TRAP1: variants seen among roughly 807,000 people sequenced by gnomAD.
The protein encoded by TRAP1 is heat shock protein 75 kDa, mitochondrial.
A neutral mutation model predicts 89.1 loss-of-function variants in TRAP1; 102 were observed. That is an observed-to-expected ratio of 1.15 (90% confidence interval 0.98 to 1.35). The LOEUF (loss-of-function observed/expected upper bound fraction) is 1.35. TRAP1 is among the 40% of genes most tolerant of loss of function. The pLI is 0.00. For synonymous variants in TRAP1, 508 were observed against 388.0 expected (o/e 1.31, Z -3.64); for missense variants, 1,256 against 945.3 (o/e 1.33, Z -4.31).
At chr16:3,703,971 C>T (rs996369392) in intron 1 of TRAP1, among the ~76,000 whole-genome samples, 4 of 148,842 alleles carry the variant, frequency 2.7e-5, no homozygotes, top group East Asian at 3.9e-4. Flanking sequence ...GCCGAGATCG[C>T]GCCACTGCAC....
chr16:3,675,375 G>C lies in TRAP1; in HGVS notation c.837C>G (p.Asn279Lys). The C allele has an allele frequency of 6.2e-7, 1 of 1,614,120 alleles. No homozygotes were observed. Among genetic ancestry groups the C allele is most frequent in the Non-Finnish European group, 8.5e-7 (1 of 1,179,974 alleles). The part of the protein sequence containing the change: ...RVRDVVTKYS[N>K]FVSFPLYLNG... ...TCAAGTACAAGGGGAAGCTGACGAA[G>C]TTGCTGTACTTCGTTACCACATCTG... Residue 279 changes from asparagine to lysine, a missense_variant, in exon 8 of 18, where the codon AAC becomes AAG. Coordinates refer to ENST00000246957, the MANE Select transcript of TRAP1 (RefSeq NM_016292.3).
Position 3,691,037 on chromosome 16 carries a change from A to G in TRAP1, c.89-52T>C, listed in dbSNP as rs778279211. 7 of 1,395,908 alleles carry G rather than the reference A, an allele frequency of 5.0e-6. No individual in the cohort carries two copies. In the Admixed American group the frequency reaches 1.9e-4, roughly 38 times the overall value. The allele number at this position is 1,395,908 out of a possible 1,614,324, so 86.5% of individuals were successfully genotyped here. A position where few individuals can be genotyped will look rare whatever the true frequency, so the allele number is the denominator to read the frequency against. On this transcript the variant is annotated intron_variant, in intron 1 of 17. Coordinates refer to ENST00000246957, the MANE Select transcript of TRAP1 (RefSeq NM_016292.3). ...TGAGAATTAGGAAGACACGAGAAAC[A>G]ATATGGTAATTCGTCCCATCAAGGG... is the stretch of plus-strand genomic sequence containing the variant.
chr16:3,705,717 G>A lies in TRAP1; in HGVS notation c.88+11704C>T, dbSNP rs141561898. On this transcript the variant is annotated intron_variant, in intron 1 of 17. Transcript: ENST00000246957. ...TTTTGTGAGACAGAGTTTCACTCTC[G>A]TTGCCAGGCTGGAGTGCAATGACAT... 2.5e-3 allele frequency among the ~76,000 whole-genome samples: 379 copies of A among 152,046 alleles called. 2 individuals carry two copies. Among genetic ancestry groups the A allele is most frequent in the African/African-American group, 8.7e-3 (361 of 41,476 alleles).
intron 1 of TRAP1, among the ~76,000 whole-genome samples, chr16:3,706,685 T>A (rs954106114): frequency 6.6e-6 from 1 of 152,042 alleles, no homozygotes; most frequent in Non-Finnish European, 1.5e-5. Flanking sequence ...GGCATTCAAC[T>A]CTTGGCCTCA....
chr16:3,706,560 A>G (rs972941224), intron 1 of TRAP1, among the ~76,000 whole-genome samples: 4 of 147,944 alleles, frequency 2.7e-5, no homozygotes, highest in African/African-American at 1.0e-4. Flanking sequence ...CCTGGGCTCG[A>G]GCAATTCTCC....
chr16:3,701,983 G>C (rs2051371866), intron 1 of TRAP1, among the ~76,000 whole-genome samples: 2 of 152,180 alleles, frequency 1.3e-5, no homozygotes, highest in African/African-American at 4.8e-5. Context: ...GGCCAAGGCA[G>C]GTGGATCACA....
intron 11 of TRAP1, among the ~76,000 whole-genome samples, chr16:3,667,931 T>C (rs2050859485): frequency 7.1e-6 from 1 of 141,442 alleles, no homozygotes; most frequent in Admixed American, 7.1e-5. Context: ...GCTGATTTTT[T>C]TTTTTTTTTT....
chr16:3,703,744 G>A (rs146354035), intron 1 of TRAP1, among the ~76,000 whole-genome samples: 1,822 of 152,090 alleles, frequency 0.012, 25 homozygotes, highest in Non-Finnish European at 0.017. Context: ...GGCTGGGCGC[G>A]GTGGCTTACG....
chr16:3,688,063 A>C (rs1221752886), intron 3 of TRAP1, among the ~76,000 whole-genome samples: 1 of 152,052 alleles, frequency 6.6e-6, no homozygotes, highest in Non-Finnish European at 1.5e-5. Flanking sequence ...CTGCTTTACA[A>C]ACTTTCTTCA....
Position 3,663,043 on chromosome 16 carries a change from C to T in TRAP1, c.1709-76G>A, listed in dbSNP as rs556212865. On this transcript the variant is annotated intron_variant, in intron 14 of 17. Coordinates refer to ENST00000246957, the MANE Select transcript of TRAP1 (RefSeq NM_016292.3). The stretch of plus-strand genomic sequence containing the variant: ...GCTTCCATGGGGGCCACGCAGCATG[C>T]TTCCAGCTCCCACCTCCTCTCCCAC... 23 of 1,165,814 alleles carry T rather than the reference C, an allele frequency of 2.0e-5. No homozygotes were observed. The East Asian group carries it at 5.1e-4, about 26-fold the overall frequency. The allele number at this position is 1,165,814 out of a possible 1,614,324, so 72.2% of individuals were successfully genotyped here.
chr16:3,674,364 C>A lies in TRAP1; in HGVS notation c.1019G>T (p.Arg340Leu). ...HYKTDAPLNI[R>L]SIFYVPDMKP... ...CATGTCGGGCACGTAGAAGATGCTG[C>A]GGATGTTGAGCGGTGCGTCCGTCTT... The change falls in exon 9 of 18, where the codon CGC (arginine) becomes CTC (leucine). Residue 340 changes from arginine to leucine, a missense_variant. Coordinates refer to ENST00000246957, the MANE Select transcript of TRAP1 (RefSeq NM_016292.3). 6.2e-7 allele frequency: 1 copy of A among 1,614,034 alleles called. No homozygotes were observed. The highest frequency in any genetic ancestry group is 8.5e-7 in the Non-Finnish European group (1 of 1,180,012).
chr16:3,682,716 A>G (rs2051088945), intron 4 of TRAP1, among the ~76,000 whole-genome samples: 1 of 152,076 alleles, frequency 6.6e-6, no homozygotes, highest in African/African-American at 2.4e-5. Flanking sequence ...TTTTAAAGTT[A>G]GCCAGGCATG....
rs902180711 is a variant in TRAP1 at position 3,706,271 on chromosome 16, C to A, written c.88+11150G>T. Among the ~76,000 whole-genome samples the A allele has an allele frequency of 2.6e-5, 4 of 151,910 alleles. No homozygotes were observed. In the East Asian group the frequency reaches 7.8e-4, roughly 30 times the overall value. The stretch of plus-strand genomic sequence containing the variant: ...ACCAGGCCCAGCTTCCAACTTTTTA[C>A]TGTAACTTTTGTTTTGGGGTGGGGT... On this transcript the variant is annotated intron_variant, in intron 1 of 17. Coordinates refer to ENST00000246957, the MANE Select transcript of TRAP1 (RefSeq NM_016292.3).
At chr16:3,663,990 G>T in intron 13 of TRAP1, 1 of 369,186 alleles carries the variant, frequency 2.7e-6, no homozygotes, top group African/African-American at 2.1e-5. Context: ...CTGAACCCAG[G>T]AGGCGGAAGT....
chr16:3,692,490 C>T (rs1312055239), intron 1 of TRAP1, among the ~76,000 whole-genome samples: 1 of 148,408 alleles, frequency 6.7e-6, no homozygotes, highest in Non-Finnish European at 1.5e-5. Context: ...GAGCCGAGAT[C>T]GTGCCGCTGC....
chr16:3,704,677 A>G (rs1567244612), intron 1 of TRAP1, among the ~76,000 whole-genome samples: 1 of 151,454 alleles, frequency 6.6e-6, no homozygotes, highest in Non-Finnish European at 1.5e-5. Flanking sequence ...ACATAGGGAG[A>G]CCCCCCCAAC....
chr16:3,667,968 G>A (rs545063901), intron 11 of TRAP1, among the ~76,000 whole-genome samples: 70 of 115,638 alleles, frequency 6.1e-4, no homozygotes, highest in Non-Finnish European at 1.0e-3. Context: ...TCGCTCTGTC[G>A]CCCAGGCTGG....
At chr16:3,667,048 A>T (rs2050842304) in intron 11 of TRAP1, among the ~76,000 whole-genome samples, 1 of 152,220 alleles carries the variant, frequency 6.6e-6, no homozygotes, top group Admixed American at 6.5e-5. Context: ...GCCACAGGGC[A>T]GAATGGGACA....
chr16:3,676,264 T>C, intron 6 of TRAP1, 119 bp from the exon 7 acceptor site: 1 of 692,224 alleles, frequency 1.4e-6, no homozygotes, highest in Non-Finnish European at 2.4e-6. Context: ...ACAACACACC[T>C]CAAATGCCCC....
Sources: allele counts gnomAD v4.1 joint callset (sites outside exome capture counted in the v4.1 genomes callset), GRCh38; gene constraint gnomAD v4.1.1; transcripts MANE v1.5; gene names NCBI Gene and HGNC (gene_info 2026-07-23, HGNC 2026-07-21).